Variants in CEP63 observed in about 807,000 individuals in gnomAD.
CEP63 encodes centrosomal protein of 63 kDa.
Under a neutral mutation model 89.1 loss-of-function variants are expected in CEP63, and 84 were observed. That is an observed-to-expected ratio of 0.94 (90% confidence interval 0.79 to 1.13). The LOEUF (loss-of-function observed/expected upper bound fraction) is 1.13, where lower values mean the gene tolerates loss of function less well. Among genes scored for constraint, CEP63 ranks in the 50% most tolerant of loss-of-function variants. The probability of loss-of-function intolerance (pLI) is 0.00; values close to 1 mark genes in which losing one functional copy is unlikely to be tolerated. For missense variants in CEP63, 838 were observed against 813.3 expected, an observed-to-expected ratio of 1.03 and a Z score of -0.37; for synonymous variants, 267 against 272.5, an observed-to-expected ratio of 0.98 and a Z score of 0.20.
rs1305994190 is a variant in CEP63, at chr3:134,561,610, T to G, written c.*75T>G. 8 of 1,549,170 alleles carry G rather than the reference T, an allele frequency of 5.2e-6. No homozygotes were observed. In the African/African-American group the frequency reaches 5.5e-5, roughly 11 times the overall value. On this transcript the variant is annotated 3_prime_UTR_variant, in exon 15 of 15. Coordinates refer to ENST00000675561, the MANE Select transcript of CEP63 (RefSeq NM_001353108.3). ...TACTGTCATCTGAAGTAGCAGCTCT[T>G]TAAAAACATGAAGAGATAAAATTAT...
At chr3:134,595,102 T>A in the CEP63 span, among the ~76,000 whole-genome samples, 2 of 152,156 alleles carry the variant, frequency 1.3e-5, no homozygotes, top group African/African-American at 4.8e-5. Flanking sequence ...CAACCAAATG[T>A]CATCTTGAAT....
chr3:134,525,435 G>A (rs1948442368), intron 3 of CEP63, among the ~76,000 whole-genome samples: 1 of 152,134 alleles, frequency 6.6e-6, no homozygotes, highest in African/African-American at 2.4e-5. Context: ...TGTGAGATGG[G>A]TCTCTTGAAG....
the CEP63 span, among the ~76,000 whole-genome samples, chr3:134,599,658 A>T: frequency 6.6e-6 from 1 of 152,222 alleles, no homozygotes; most frequent in South Asian, 2.1e-4. Context: ...TTTCAAGTTA[A>T]ACAAGATTCA....
chr3:134,589,600 CAT>C (rs1958558947), downstream of CEP63, among the ~76,000 whole-genome samples: 2 of 70,618 alleles, frequency 2.8e-5, no homozygotes, highest in African/African-American at 4.8e-5. Flanking sequence ...AAAAAAAAAA[CAT>C]ATTGGCAAGG....
At chr3:134,530,165 G>T (rs748850606) in intron 3 of CEP63, among the ~76,000 whole-genome samples, 1 of 152,080 alleles carries the variant, frequency 6.6e-6, no homozygotes, top group Admixed American at 6.6e-5. Context: ...GAGCCACCGC[G>T]CCCAACAAGG....
At chr3:134,708,103 A>T in the CEP63 span, among the ~76,000 whole-genome samples, 1 of 152,204 alleles carries the variant, frequency 6.6e-6, no homozygotes, top group Non-Finnish European at 1.5e-5. Flanking sequence ...TTGTCCCTGG[A>T]GGGCTCAGGG....
At chr3:134,718,657 A>G in the CEP63 span, among the ~76,000 whole-genome samples, 1 of 152,202 alleles carries the variant, frequency 6.6e-6, no homozygotes, top group Non-Finnish European at 1.5e-5. Context: ...ACCAATCATT[A>G]GATTTTGATC....
the CEP63 span, among the ~76,000 whole-genome samples, chr3:134,721,382 T>A: frequency 6.6e-6 from 1 of 152,244 alleles, no homozygotes; most frequent in African/African-American, 2.4e-5. Flanking sequence ...AGTAGATTTC[T>A]TAGGATTCCT....
At position 134,550,085 on chromosome 3, in the gene CEP63, G is replaced by C; in HGVS notation, c.1205G>C (p.Gly402Ala). ...TAGTTGAAAGAACAGATTTTACAGG[G>C]TGAACAAAGTTACAGTTCTGCACTA... ...IKKLKEQILQGEQSYSSALEG... is the reference protein window; with the variant it reads ...IKKLKEQILQAEQSYSSALEG... Residue 402 changes from glycine (G) to alanine (A), a missense_variant, in exon 11 of 15, where the codon GGT becomes GCT. Coordinates refer to ENST00000675561, the MANE Select transcript of CEP63 (RefSeq NM_001353108.3). The C allele has an allele frequency of 1.2e-6, 2 of 1,613,696 alleles. No individual in the cohort carries two copies. The highest frequency in any genetic ancestry group is 1.7e-6 in the Non-Finnish European group (2 of 1,179,732).
chr3:134,740,530 C>T, the CEP63 span, among the ~76,000 whole-genome samples: 1 of 152,090 alleles, frequency 6.6e-6, no homozygotes, highest in Non-Finnish European at 1.5e-5. Flanking sequence ...ATCTCCTGAC[C>T]TCGTGATCCG....
At chr3:134,530,832 G>A (rs555824964) in intron 3 of CEP63, among the ~76,000 whole-genome samples, 1 of 152,170 alleles carries the variant, frequency 6.6e-6, no homozygotes, top group South Asian at 2.1e-4. Context: ...ATTCTTATAA[G>A]TAGCTTATTT....
chr3:134,700,128 C>T, the CEP63 span, among the ~76,000 whole-genome samples: 1 of 152,264 alleles, frequency 6.6e-6, no homozygotes, highest in Non-Finnish European at 1.5e-5. Flanking sequence ...GTTCCTCCAA[C>T]CCAATGCCTA....
the CEP63 span, among the ~76,000 whole-genome samples, chr3:134,596,752 C>G: frequency 9.2e-5 from 14 of 152,180 alleles, no homozygotes; most frequent in Non-Finnish European, 1.8e-4. Flanking sequence ...TCAAGGAATT[C>G]ACATCCTAGG....
chr3:134,680,327 G>C, the CEP63 span, among the ~76,000 whole-genome samples: 1 of 152,190 alleles, frequency 6.6e-6, no homozygotes, highest in Admixed American at 6.5e-5. Flanking sequence ...TTTTTAAATA[G>C]TCCTAGTCTT....
the CEP63 span, among the ~76,000 whole-genome samples, chr3:134,722,410 C>T: frequency 1.3e-5 from 2 of 152,046 alleles, no homozygotes; most frequent in Non-Finnish European, 2.9e-5. Flanking sequence ...TCTTCTCTTT[C>T]ATTCCCGATT....
chr3:134,667,133 A>G, the CEP63 span, among the ~76,000 whole-genome samples: 1 of 152,174 alleles, frequency 6.6e-6, no homozygotes, highest in Non-Finnish European at 1.5e-5. Flanking sequence ...TTTCCATGGT[A>G]TGCCTCTTCC....
chr3:134,578,478 G>A (rs769247982), downstream of CEP63, among the ~76,000 whole-genome samples: 1 of 151,910 alleles, frequency 6.6e-6, no homozygotes, highest in Non-Finnish European at 1.5e-5. Context: ...CTACAGGCAT[G>A]CACCACCATG....
the CEP63 span, among the ~76,000 whole-genome samples, chr3:134,664,067 C>T: frequency 6.6e-6 from 1 of 152,288 alleles, no homozygotes; most frequent in Non-Finnish European, 1.5e-5. Context: ...CTCGGGCCTT[C>T]CCTCTGGAGC....
the CEP63 span, among the ~76,000 whole-genome samples, chr3:134,701,631 G>T: frequency 2.0e-5 from 3 of 151,808 alleles, no homozygotes; most frequent in Admixed American, 1.3e-4. Context: ...TACTGAATGG[G>T]CAAAAGCTGG....
Sources: gnomAD v4.1 joint callset for allele counts (sites outside exome capture counted in the v4.1 genomes callset) on GRCh38, gnomAD v4.1.1 for gene constraint, MANE v1.5 for transcripts, NCBI Gene and HGNC (gene_info 2026-07-23, HGNC 2026-07-21) for gene names.